Variants in KPNA4 observed in about 807,000 individuals in gnomAD.
The protein encoded by KPNA4 is importin subunit alpha-3.
A neutral mutation model predicts 71.3 loss-of-function variants in KPNA4; 13 were observed. That is an observed-to-expected ratio of 0.18 (90% CI 0.12 to 0.29). KPNA4 has a LOEUF of 0.29. Ranked by LOEUF, KPNA4 falls within the 10% of genes least tolerant of loss-of-function variation. KPNA4 has a pLI of 1.00. For synonymous variants in KPNA4, 189 were observed against 195.2 expected, an observed-to-expected ratio of 0.97 and a Z score of 0.26; for missense variants, 334 against 603.2, an observed-to-expected ratio of 0.55 and a Z score of 4.67.
chr3:160,542,731 T>C (rs1721825891), intron 1 of KPNA4, among the ~76,000 whole-genome samples: 1 of 152,046 alleles, frequency 6.6e-6, no homozygotes. Flanking sequence ...CTTTAAGAAG[T>C]GATAAGATTA....
rs1384509491 is a variant in KPNA4 at position 160,498,969 on chromosome 3, C to A, written c.*3135G>T. Reference sequence around the variant, plus strand: ...GAGGAAACTGAGGCAATGGAGAATCCAAAAAGGGTGCCCCCATAAATTACT... The same window carrying A: ...GAGGAAACTGAGGCAATGGAGAATCAAAAAAGGGTGCCCCCATAAATTACT... On this transcript the variant is annotated 3_prime_UTR_variant, in exon 17 of 17. Transcript: ENST00000334256. 6.6e-6 allele frequency: 1 copy of A among 151,940 alleles called. No homozygotes were observed. The highest frequency in any genetic ancestry group is 1.5e-5 in the Non-Finnish European group (1 of 67,962). 9.4% of individuals were successfully genotyped at this position (151,940 alleles called of 1,614,324 possible). A position where few individuals can be genotyped will look rare whatever the true frequency, so the allele number is the denominator to read the frequency against.
rs1560045906 is a variant in KPNA4, at chr3:160,515,155, A to AT, written c.1032+296dup. ...TAAGTACCTATAAAACACTAAACTT[A>AT]TAAGAATTACATAATATACATATTA... On this transcript the variant is annotated intron_variant, in intron 12 of 16. Coordinates refer to ENST00000334256, the MANE Select transcript of KPNA4 (RefSeq NM_002268.5). 7.6e-6 allele frequency: 4 copies of AT among 527,466 alleles called. No homozygotes were observed. In the Admixed American group the frequency reaches 7.7e-5, roughly 10 times the overall value. The allele number at this position is 527,466 out of a possible 1,614,324, so 32.7% of individuals were successfully genotyped here.
intron 1 of KPNA4, among the ~76,000 whole-genome samples, chr3:160,542,525 TTAA>T (rs1721820032): frequency 6.6e-6 from 1 of 152,150 alleles, no homozygotes; most frequent in Non-Finnish European, 1.5e-5. Flanking sequence ...GGGTCAATAA[TTAA>T]TATCTCCTAA....
intron 11 of KPNA4, among the ~76,000 whole-genome samples, chr3:160,519,254 G>A (rs895772274): frequency 3.9e-5 from 6 of 152,184 alleles, no homozygotes; most frequent in African/African-American, 1.4e-4. Context: ...TTCCAAAAAT[G>A]TTTTGTAGTA....
intron 1 of KPNA4, among the ~76,000 whole-genome samples, chr3:160,543,357 C>A: frequency 1.3e-5 from 2 of 151,926 alleles, no homozygotes; most frequent in Non-Finnish European, 2.9e-5. Context: ...TTTTTTTCCC[C>A]CGAGACAGAA....
In KPNA4 at chr3:160,501,995, T is replaced by G. The variant is rs1007033805; in HGVS notation, c.*109A>C. On this transcript the variant is annotated 3_prime_UTR_variant, in exon 17 of 17. Transcript: ENST00000334256. Reference sequence around the variant, plus strand: ...AGCAGCAGATCCCATGAGCCAAGCTTGATGGATCAAACCTTTTTATATATA... The same window carrying G: ...AGCAGCAGATCCCATGAGCCAAGCTGGATGGATCAAACCTTTTTATATATA... 1.3e-5 allele frequency: 4 copies of G among 314,634 alleles called. No homozygotes were observed. Among genetic ancestry groups the G allele is most frequent in the Non-Finnish European group, 2.3e-5 (4 of 173,256 alleles). The allele number at this position is 314,634 out of a possible 1,614,324, so 19.5% of individuals were successfully genotyped here. A position where few individuals can be genotyped will look rare whatever the true frequency, so the allele number is the denominator to read the frequency against.
At chr3:160,536,864 A>AT in intron 1 of KPNA4, 24 bp from the exon 2 acceptor site, 1 of 1,393,960 alleles carries the variant, frequency 7.2e-7, no homozygotes, top group Non-Finnish European at 1.0e-6. Context: ...AAAGGAAAAT[A>AT]TTTTTAAAAT....
At chr3:160,506,295 A>G (rs1720983304) in intron 15 of KPNA4, among the ~76,000 whole-genome samples, 2 of 151,936 alleles carry the variant, frequency 1.3e-5, no homozygotes, top group Admixed American at 6.6e-5. Context: ...CAGCCTCCCA[A>G]GCAGCTAGGA....
intron 1 of KPNA4, chr3:160,564,210 G>C (rs1722295666): frequency 6.6e-6 from 1 of 152,174 alleles, no homozygotes; most frequent in South Asian, 2.1e-4. Flanking sequence ...ATGCGTGTGT[G>C]CATGTGTGTA....
chr3:160,553,305 G>GC (rs1371269402), intron 1 of KPNA4, among the ~76,000 whole-genome samples: 1 of 152,158 alleles, frequency 6.6e-6, no homozygotes, highest in Non-Finnish European at 1.5e-5. Context: ...TGGGAAGAAA[G>GC]CACCTGACTC....
intron 13 of KPNA4, among the ~76,000 whole-genome samples, chr3:160,512,633 A>G (rs1721119213): frequency 1.3e-5 from 2 of 152,200 alleles, no homozygotes; most frequent in Non-Finnish European, 2.9e-5. Context: ...GGAGTTGGAG[A>G]CCAGCCTGGC....
rs1720882675 is a variant in KPNA4 at position 160,501,573 on chromosome 3, A to G, written c.*531T>C. The G allele has an allele frequency of 6.6e-6, 1 of 152,658 alleles. No individual in the cohort carries two copies. The highest frequency in any genetic ancestry group is 1.5e-5 in the Non-Finnish European group (1 of 68,054). 9.5% of individuals were successfully genotyped at this position (152,658 alleles called of 1,614,324 possible). On this transcript the variant is annotated 3_prime_UTR_variant, in exon 17 of 17. Transcript: ENST00000334256. Reference sequence around the variant, plus strand: ...CTAGGAGTCTGCTTCATGAGTGAAGAGCCCTAGATTTCAAAGATGAACCTG... The same window carrying G: ...CTAGGAGTCTGCTTCATGAGTGAAGGGCCCTAGATTTCAAAGATGAACCTG...
intron 1 of KPNA4, chr3:160,564,555 T>A (rs549515328): frequency 6.6e-6 from 1 of 151,980 alleles, no homozygotes; most frequent in East Asian, 1.9e-4. Context: ...ATATCCAGAG[T>A]AAAACACAGG....
chr3:160,528,144 AT>A, intron 7 of KPNA4, 105 bp from the exon 8 acceptor site: 2 of 691,896 alleles, frequency 2.9e-6, no homozygotes, highest in Non-Finnish European at 4.8e-6. Context: ...ACCTATAAAA[AT>A]ATACTTAAAA....
intron 11 of KPNA4, among the ~76,000 whole-genome samples, chr3:160,517,646 T>C (rs540673470): frequency 1.3e-5 from 2 of 152,210 alleles, no homozygotes; most frequent in East Asian, 3.9e-4. Context: ...TTCCTAACTA[T>C]AGCCATCCTG....
rs796790229 is a variant in KPNA4, at chr3:160,495,465, CCGAA to C, written c.*6635_*6638del. ...TTAGTACTTCTGTTTCTGAATTAGA[CCGAA>C]CAGTCACCATGTAGGTAACTTAGCT... On this transcript the variant is annotated 3_prime_UTR_variant, in exon 17 of 17. Coordinates refer to ENST00000334256, the MANE Select transcript of KPNA4 (RefSeq NM_002268.5). 6 of 152,074 alleles carry C rather than the reference CCGAA, an allele frequency of 3.9e-5. No individual in the cohort carries two copies. The South Asian group carries it at 1.0e-3, about 26-fold the overall frequency. The allele number at this position is 152,074 out of a possible 1,614,324, so 9.4% of individuals were successfully genotyped here.
intron 1 of KPNA4, among the ~76,000 whole-genome samples, chr3:160,563,799 AAAGAT>A (rs1175488437): frequency 6.6e-6 from 1 of 152,214 alleles, no homozygotes; most frequent in East Asian, 1.9e-4. Flanking sequence ...TTATCTCAAT[AAAGAT>A]GTGACATCTT....
intron 11 of KPNA4, among the ~76,000 whole-genome samples, chr3:160,520,418 ATTTTT>A (rs59839490): frequency 7.3e-6 from 1 of 137,340 alleles, no homozygotes; most frequent in African/African-American, 2.7e-5. Context: ...TGCCTGGCTA[ATTTTT>A]TTTTTTTTTT....
At chr3:160,542,760 TGAAGA>T (rs774970672) in intron 1 of KPNA4, among the ~76,000 whole-genome samples, 9 of 151,896 alleles carry the variant, frequency 5.9e-5, no homozygotes, top group Non-Finnish European at 1.0e-4. Context: ...TGAGCATAAG[TGAAGA>T]GAAGTCTGAA....
Sources: gnomAD v4.1 joint callset for allele counts (sites outside exome capture counted in the v4.1 genomes callset) on GRCh38, gnomAD v4.1.1 for gene constraint, MANE v1.5 for transcripts, NCBI Gene and HGNC (gene_info 2026-07-23, HGNC 2026-07-21) for gene names.